NEGR1: variants seen among roughly 807,000 people sequenced by gnomAD.
NEGR1 encodes the protein neuronal growth regulator 1.
NEGR1 carries 10 observed loss-of-function variants against 40.9 expected under a neutral mutation model. The observed-to-expected ratio is 0.24, with a 90% CI of 0.15 to 0.42. NEGR1 has a LOEUF of 0.42. Among genes scored for constraint, NEGR1 ranks in the 10% least tolerant of loss-of-function variants. The probability of loss-of-function intolerance (pLI) is 1.00; values close to 1 mark genes in which losing one functional copy is unlikely to be tolerated. For missense variants in NEGR1, 352 were observed against 438.9 expected (o/e 0.80, Z 1.77); for synonymous variants, 185 against 166.8 (o/e 1.11, Z -0.84).
At chr1:71,732,320 A>AAAAC (rs1400092657) in intron 3 of NEGR1, among the ~76,000 whole-genome samples, 2 of 152,110 alleles carry the variant, frequency 1.3e-5, no homozygotes, top group Non-Finnish European at 2.9e-5. Flanking sequence ...GACCTTATCT[A>AAAAC]AAACAAACAA....
chr1:72,033,415 T>C (rs1459281273), intron 1 of NEGR1, among the ~76,000 whole-genome samples: 2 of 152,162 alleles, frequency 1.3e-5, no homozygotes, highest in East Asian at 1.9e-4. Flanking sequence ...AATGGAAAGA[T>C]TTTTTAAAGC....
In NEGR1 at chr1:71,980,741, G is replaced by C. The variant is rs188930244; in HGVS notation, c.177-45430C>G. 2.0e-3 allele frequency among the ~76,000 whole-genome samples: 307 copies of C among 152,150 alleles called. 1 individual carries two copies. The highest frequency in any genetic ancestry group is 6.1e-3 in the African/African-American group (255 of 41,508). On this transcript the variant is annotated intron_variant, in intron 1 of 6. Coordinates refer to ENST00000357731, the MANE Select transcript of NEGR1 (RefSeq NM_173808.3). The stretch of plus-strand genomic sequence containing the variant: ...TATGATCACATATTATCAGCGCAAA[G>C]CTCAAACTCTCTAGGTTGTGGTGTG...
chr1:71,933,756 T>TA (rs961033965), intron 2 of NEGR1, among the ~76,000 whole-genome samples: 37 of 151,872 alleles, frequency 2.4e-4, no homozygotes, highest in African/African-American at 6.5e-4. Context: ...CAATAATCTG[T>TA]AAAAAAAAGA....
chr1:72,150,224 C>A (rs1410552401), intron 1 of NEGR1, among the ~76,000 whole-genome samples: 2 of 152,138 alleles, frequency 1.3e-5, no homozygotes, highest in African/African-American at 4.8e-5. Context: ...TGTCATGAAG[C>A]ACAGTCTTTC....
chr1:72,000,862 C>T lies in NEGR1; in HGVS notation c.177-65551G>A, dbSNP rs1486092. 6.9e-3 allele frequency among the ~76,000 whole-genome samples: 1,053 copies of T among 152,116 alleles called. 15 individuals are homozygous for T. The highest frequency in any genetic ancestry group is 0.024 in the African/African-American group (987 of 41,520). On this transcript the variant is annotated intron_variant, in intron 1 of 6. Transcript: ENST00000357731. ...GAAAAAACCTGACAGGCAGGTAGTT[C>T]GGGTGGGTCCTTGGATGAGTTCTTT...
At chr1:71,699,302 C>T (rs1174399469) in intron 3 of NEGR1, among the ~76,000 whole-genome samples, 2 of 151,906 alleles carry the variant, frequency 1.3e-5, no homozygotes, top group African/African-American at 2.4e-5. Context: ...CCCCCATGCA[C>T]TTCTGTGTCT....
intron 1 of NEGR1, among the ~76,000 whole-genome samples, chr1:72,282,021 T>A (rs929348990): frequency 6.6e-6 from 1 of 152,134 alleles, no homozygotes; most frequent in African/African-American, 2.4e-5. Context: ...AGAGACCTTG[T>A]GCATTGAGTT....
chr1:71,662,770 T>C (rs911506597), intron 4 of NEGR1, among the ~76,000 whole-genome samples: 4 of 151,730 alleles, frequency 2.6e-5, no homozygotes, highest in Non-Finnish European at 5.9e-5. Flanking sequence ...TGAAACCCCT[T>C]AGTATCTCAT....
chr1:72,021,287 T>C (rs917473410), intron 1 of NEGR1, among the ~76,000 whole-genome samples: 2 of 152,116 alleles, frequency 1.3e-5, no homozygotes. Context: ...TATATTTAAC[T>C]TAGGAAAAAT....
intron 3 of NEGR1, among the ~76,000 whole-genome samples, chr1:71,719,164 G>T (rs906120859): frequency 6.6e-6 from 1 of 152,040 alleles, no homozygotes; most frequent in African/African-American, 2.4e-5. Context: ...AGGATCATTT[G>T]GGTTGGCCCT....
intron 6 of NEGR1, among the ~76,000 whole-genome samples, chr1:71,543,013 T>C (rs907422677): frequency 3.3e-5 from 5 of 151,724 alleles, no homozygotes; most frequent in Admixed American, 6.6e-5. Context: ...GACATGAGTA[T>C]GTATATATGA....
chr1:72,103,806 A>C (rs1649032002), intron 1 of NEGR1, among the ~76,000 whole-genome samples: 1 of 151,980 alleles, frequency 6.6e-6, no homozygotes, highest in South Asian at 2.1e-4. Flanking sequence ...TGTTGACAGG[A>C]GTGATAAAGA....
chr1:72,022,260 CATATATATATATATATATAT>C lies in NEGR1; in HGVS notation c.177-86969_177-86950del, dbSNP rs59160727. Among the ~76,000 whole-genome samples the C allele has an allele frequency of 3.9e-3, 438 of 111,670 alleles. 2 individuals are homozygous for C. Among genetic ancestry groups the C allele is most frequent in the Middle Eastern group, 0.02 (4 of 196 alleles). 73.3% of individuals were successfully genotyped at this position (111,670 alleles called of 152,430 possible). A position where few individuals can be genotyped will look rare whatever the true frequency, so the allele number is the denominator to read the frequency against. On this transcript the variant is annotated intron_variant, in intron 1 of 6. Coordinates refer to ENST00000357731, the MANE Select transcript of NEGR1 (RefSeq NM_173808.3). ...ACAATAGAAAATTATAAACAATTTT[CATATATATATATATATATAT>C]ATATATATATATATATATATACACG...
intron 1 of NEGR1, among the ~76,000 whole-genome samples, chr1:72,152,543 G>A (rs1228639271): frequency 6.6e-6 from 1 of 151,988 alleles, no homozygotes; most frequent in Non-Finnish European, 1.5e-5. Flanking sequence ...ATGTAAATTT[G>A]TCCACCACTG....
rs1393894218 is a variant in NEGR1, at chr1:71,404,219, T to C, written c.*3227A>G. On this transcript the variant is annotated 3_prime_UTR_variant, in exon 7 of 7. Transcript: ENST00000357731. ...ATTTTCTCAGTTCTCCAGTCTACTT[T>C]CTAGATATAGCTTAAATGTTATGAT... 2 of 152,248 alleles carry C rather than the reference T, an allele frequency of 1.3e-5. No individual in the cohort carries two copies. The highest frequency in any genetic ancestry group is 3.8e-4 in the East Asian group (2 of 5,214). The allele number at this position is 152,248 out of a possible 1,614,324, so 9.4% of individuals were successfully genotyped here. A position where few individuals can be genotyped will look rare whatever the true frequency, so the allele number is the denominator to read the frequency against.
intron 4 of NEGR1, among the ~76,000 whole-genome samples, chr1:71,682,416 A>G (rs1483468094): frequency 6.6e-6 from 1 of 152,046 alleles, no homozygotes; most frequent in Non-Finnish European, 1.5e-5. Flanking sequence ...ATTATTATTC[A>G]TGTCTAAGTG....
chr1:71,637,102 A>C (rs1287269411), intron 4 of NEGR1, among the ~76,000 whole-genome samples: 1 of 152,046 alleles, frequency 6.6e-6, no homozygotes, highest in Non-Finnish European at 1.5e-5. Flanking sequence ...ATTTCCCAGA[A>C]TCATGGGGTT....
chr1:71,938,482 C>T (rs956236520), intron 1 of NEGR1, among the ~76,000 whole-genome samples: 3 of 146,798 alleles, frequency 2.0e-5, no homozygotes, highest in African/African-American at 7.5e-5. Flanking sequence ...TTCCTCTGTA[C>T]CTCCTTTTCA....
At chr1:72,165,516 C>T (rs1405637870) in intron 1 of NEGR1, among the ~76,000 whole-genome samples, 2 of 151,978 alleles carry the variant, frequency 1.3e-5, no homozygotes, top group African/African-American at 4.8e-5. Context: ...TGAAGCATTA[C>T]AAATAGTGTT....
Sources: gnomAD v4.1 joint callset for allele counts (sites outside exome capture counted in the v4.1 genomes callset) on GRCh38, gnomAD v4.1.1 for gene constraint, MANE v1.5 for transcripts, NCBI Gene and HGNC (gene_info 2026-07-23, HGNC 2026-07-21) for gene names.